SEC14L4: variants seen among roughly 807,000 people sequenced by gnomAD.
SEC14L4 encodes SEC14 like lipid binding 4.
A neutral mutation model predicts 55.1 loss-of-function variants in SEC14L4; 42 were observed. The observed-to-expected ratio is 0.76, with a 90% CI of 0.60 to 0.99. The LOEUF (loss-of-function observed/expected upper bound fraction) is 0.99. SEC14L4 is among the 50% of genes least tolerant of loss of function. The probability of loss-of-function intolerance (pLI) is 0.00; values close to 1 mark genes in which losing one functional copy is unlikely to be tolerated. For synonymous variants in SEC14L4, 206 were observed against 206.8 expected, an observed-to-expected ratio of 1.00 and a Z score of 0.03; for missense variants, 445 against 512.1, an observed-to-expected ratio of 0.87 and a Z score of 1.27.
Position 30,489,828 on chromosome 22 carries a change from A to G in SEC14L4, c.*279T>C. On this transcript the variant is annotated 3_prime_UTR_variant, in exon 12 of 12. Transcript: ENST00000255858. ...AGGGCAGCTTCTGCAAGCAGGACCC[A>G]TCCTCAGTGGACTGGATCATCTTCA... The G allele has an allele frequency of 1.3e-6, 2 of 1,541,066 alleles. No individual in the cohort carries two copies. The highest frequency in any genetic ancestry group is 1.8e-6 in the Non-Finnish European group (2 of 1,137,278).
At chr22:30,495,756 C>A (rs1260764477) in intron 3 of SEC14L4, 114 bp from the exon 4 acceptor site, 1 of 1,606,102 alleles carries the variant, frequency 6.2e-7, no homozygotes, top group African/African-American at 1.3e-5. Flanking sequence ...GCTCTCAGAG[C>A]GTGGGGACAG....
intron 2 of SEC14L4, among the ~76,000 whole-genome samples, chr22:30,502,644 A>G (rs1214702007): frequency 6.6e-6 from 1 of 152,028 alleles, no homozygotes; most frequent in Non-Finnish European, 1.5e-5. Flanking sequence ...TCCACCTCCC[A>G]GGCTCAAGTG....
chr22:30,505,425 C>A, intron 1 of SEC14L4, 133 bp downstream of exon 1: 1 of 938,752 alleles, frequency 1.1e-6, no homozygotes, highest in Non-Finnish European at 1.6e-6. Flanking sequence ...GCACGCTGGA[C>A]CAGAGGGCAG....
Position 30,495,343 on chromosome 22 carries a change from G to C in SEC14L4, c.334C>G (p.Leu112Val). The C allele has an allele frequency of 6.2e-7, 1 of 1,614,124 alleles. No individual in the cohort carries two copies. Among genetic ancestry groups the C allele is most frequent in the Non-Finnish European group, 8.5e-7 (1 of 1,180,028 alleles). Reference protein sequence around the residue: ...IIGSLDPKGLLLSASKQDMIR... With the variant: ...IIGSLDPKGLVLSASKQDMIR... ...ATATCCTGCTTGGAGGCTGACAGCA[G>C]GAGACCCTTGGGGTCGAGGGACCCA... The change falls in exon 5 of 12, where the codon CTG becomes GTG. Residue 112 changes from leucine (L) to valine (V), a missense_variant. Transcript: ENST00000255858.
Position 30,492,638 on chromosome 22 carries a change from G to A in SEC14L4, c.581-81C>T. On this transcript the variant is annotated intron_variant, in intron 7 of 11. Coordinates refer to ENST00000255858, the MANE Select transcript of SEC14L4 (RefSeq NM_174977.4). ...GAGCCACAGCCAAGAGCAGGTGCTG[G>A]ACAGGAGGTGGACAGATATGGATTC... 8.3e-6 allele frequency: 9 copies of A among 1,078,626 alleles called. No homozygotes were observed. In the South Asian group the frequency reaches 1.2e-4, roughly 14 times the overall value. 66.8% of individuals were successfully genotyped at this position (1,078,626 alleles called of 1,614,324 possible).
In SEC14L4 at chr22:30,490,227, GT is replaced by G; in HGVS notation, c.1100del (p.Asn367ThrfsTer34). 6.2e-7 allele frequency: 1 copy of G among 1,613,834 alleles called. No individual in the cohort carries two copies. Among genetic ancestry groups the G allele is most frequent in the Non-Finnish European group, 8.5e-7 (1 of 1,180,042 alleles). ...TCTTGGCATGCATCCGGCTGTAGGT[GT>G]TGTCGAAGCGCAGGACATCTGCAGT... ...QAGVYVLRFDNTYSRMHAKKL... is the reference protein window; with the variant it reads ...QAGVYVLRFDXTYSRMHAKKL... On this transcript the variant is annotated frameshift_variant, in exon 12 of 12. Coordinates refer to ENST00000255858, the MANE Select transcript of SEC14L4 (RefSeq NM_174977.4). LOFTEE classifies it low-confidence loss of function (END_TRUNC).
intron 8 of SEC14L4, 133 bp downstream of exon 8, chr22:30,492,341 G>A (rs962204758): frequency 6.3e-6 from 7 of 1,114,118 alleles, no homozygotes; most frequent in Admixed American, 4.0e-5. Flanking sequence ...CATTGCCCGT[G>A]CGTGTGGAGG....
At position 30,491,638 on chromosome 22, in the gene SEC14L4, C is replaced by G; in HGVS notation, c.1016G>C (p.Ser339Thr). The G allele has an allele frequency of 6.2e-7, 1 of 1,614,198 alleles. No homozygotes were observed. The highest frequency in any genetic ancestry group is 8.5e-7 in the Non-Finnish European group (1 of 1,180,024). The change falls in exon 11 of 12, where the codon AGC becomes ACC. Residue 339 changes from serine to threonine, a missense_variant. Physicochemically the swap from Ser to Thr is moderately conservative, Grantham distance 58. Coordinates refer to ENST00000255858, the MANE Select transcript of SEC14L4 (RefSeq NM_174977.4). ...SAREMTEVLPSQRYNAHMVPE... is the reference protein window; with the variant it reads ...SAREMTEVLPTQRYNAHMVPE... ...CACCATGTGGGCATTGTAGCGCTGG[C>G]TGGGCAGCACCTCCGTCATCTCCCT...
At chr22:30,492,330 G>A (rs1422751356) in intron 8 of SEC14L4, 144 bp downstream of exon 8, 2 of 1,134,588 alleles carry the variant, frequency 1.8e-6, no homozygotes, top group South Asian at 1.3e-5. Context: ...AGGACCCAAG[G>A]CATTGCCCGT....
chr22:30,491,900 C>T lies in SEC14L4; in HGVS notation c.845G>A (p.Arg282Lys), dbSNP rs750932309. The change falls in exon 10 of 12, where the codon AGG (arginine) becomes AAG (lysine). Residue 282 changes from arginine to lysine, a missense_variant. Transcript: ENST00000255858. ...CAGGGAGGAGCCGCGGCCCACGGAC[C>T]TCGTGTGCTCATACTGCAGCCTCAC... The part of the protein sequence containing the change: ...EQVRLQYEHT[R>K]SVGRGSSLQV... 4 of 1,613,706 alleles carry T rather than the reference C, an allele frequency of 2.5e-6. No homozygotes were observed. The Admixed American group carries it at 6.7e-5, about 27-fold the overall frequency.
chr22:30,492,251 G>A, intron 8 of SEC14L4, 96 bp from the exon 9 acceptor site: 1 of 1,465,196 alleles, frequency 6.8e-7, no homozygotes, highest in Non-Finnish European at 9.4e-7. Flanking sequence ...ATATGTCCTG[G>A]GCGTGCTCCC....
chr22:30,502,084 T>C (rs987067539), intron 2 of SEC14L4, among the ~76,000 whole-genome samples: 31 of 151,904 alleles, frequency 2.0e-4, no homozygotes, highest in African/African-American at 4.6e-4. Flanking sequence ...CAGGCTGGTC[T>C]CGAACTCCTG....
chr22:30,496,567 C>T (rs113956985), intron 2 of SEC14L4, among the ~76,000 whole-genome samples: 1 of 152,092 alleles, frequency 6.6e-6, no homozygotes, highest in Non-Finnish European at 1.5e-5. Flanking sequence ...AGACACCCCC[C>T]CCCACCACCT....
chr22:30,491,735 A>G lies in SEC14L4; in HGVS notation c.919T>C (p.Phe307Leu), dbSNP rs1935962712. The change falls in exon 11 of 12, where the codon TTT (phenylalanine) becomes CTT (leucine). Residue 307 changes from phenylalanine (F) to leucine (L), a missense_variant. Physicochemically the swap from Phe to Leu is conservative, Grantham distance 22. Transcript: ENST00000255858. The stretch of plus-strand genomic sequence containing the variant: ...CCGATGTCCCCACCATCTGAAGCAA[A>G]CTGCCACCTGCAGTGGATAGAGCCC... ...LFPGCVLRWQ[F>L]ASDGGDIGFG... 1 of 1,613,962 alleles carries G rather than the reference A, an allele frequency of 6.2e-7. No homozygotes were observed. The highest frequency in any genetic ancestry group is 1.7e-5 in the Admixed American group (1 of 60,000).
chr22:30,489,736 C>A lies in SEC14L4; in HGVS notation c.*371G>T. The A allele has an allele frequency of 3.5e-6, 3 of 860,894 alleles. No homozygotes were observed. Among genetic ancestry groups the A allele is most frequent in the Non-Finnish European group, 3.8e-6 (2 of 526,130 alleles). The allele number at this position is 860,894 out of a possible 1,614,324, so 53.3% of individuals were successfully genotyped here. A position where few individuals can be genotyped will look rare whatever the true frequency, so the allele number is the denominator to read the frequency against. ...CCACAGGACCTAGGAACCACGCACA[C>A]CCCCTGAAGCTGGAACACCAGGCAT... On this transcript the variant is annotated 3_prime_UTR_variant, in exon 12 of 12. Transcript: ENST00000255858.
intron 2 of SEC14L4, among the ~76,000 whole-genome samples, chr22:30,500,405 C>T (rs1936281372): frequency 6.6e-6 from 1 of 152,036 alleles, no homozygotes; most frequent in Admixed American, 6.6e-5. Context: ...CTCTTATAGG[C>T]TTAAAAAAGA....
rs745833384 is a variant in SEC14L4, at chr22:30,490,129, A to G, written c.1199T>C (p.Met400Thr). 10 of 1,613,808 alleles carry G rather than the reference A, an allele frequency of 6.2e-6. 1 individual carries two copies. The highest frequency in any genetic ancestry group is 8.5e-6 in the Non-Finnish European group (10 of 1,179,816). Residue 400 changes from methionine (M) to threonine (T), a missense_variant, in exon 12 of 12, where the codon ATG becomes ACG. Physicochemically the swap from Met to Thr is moderately conservative, Grantham distance 81. Transcript: ENST00000255858. ...TCTTCACTGTGTTGGGGAGGGTCTC[A>G]TCGCCTTGAGACTCTGCAGCGTCTC... is the stretch of plus-strand genomic sequence containing the variant. ...SEETLQSLKA[M>T]RPSPTQ
intron 11 of SEC14L4, 144 bp from the exon 12 acceptor site, chr22:30,490,390 G>T: frequency 7.2e-7 from 1 of 1,390,472 alleles, no homozygotes; most frequent in Admixed American, 2.0e-5. Context: ...TTGGAAATGA[G>T]CTGTCCAGGA....
Position 30,505,562 on chromosome 22 carries a change from G to T in SEC14L4, c.50C>A (p.Ala17Asp). ...DLSPQQQEALARFRENLQDLL... is the reference protein window; with the variant it reads ...DLSPQQQEALDRFRENLQDLL... The stretch of plus-strand genomic sequence containing the variant: ...CCAGCCCGCGATGCTCCTCACCCTG[G>T]CCAGCGCTTCCTGCTGCTGGGGGCT... The change falls in exon 1 of 12, where the codon GCC (alanine) becomes GAC (aspartate). Residue 17 changes from alanine (A) to aspartate (D), a missense_variant. Physicochemically the swap from Ala to Asp is moderately radical, Grantham distance 126. Coordinates refer to ENST00000255858, the MANE Select transcript of SEC14L4 (RefSeq NM_174977.4). 1 of 1,567,378 alleles carries T rather than the reference G, an allele frequency of 6.4e-7. No homozygotes were observed.
Sources: allele counts gnomAD v4.1 joint callset (sites outside exome capture counted in the v4.1 genomes callset), GRCh38; gene constraint gnomAD v4.1.1; transcripts MANE v1.5; gene names NCBI Gene and HGNC (gene_info 2026-07-23, HGNC 2026-07-21).